The following OLA1 variants were observed in gnomAD, a reference collection of about 807,000 sequenced individuals.
OLA1 encodes Obg like ATPase 1.
A neutral mutation model predicts 48.4 loss-of-function variants in OLA1; 14 were observed. That is an observed-to-expected ratio of 0.29 (90% CI 0.19 to 0.45). The LOEUF is 0.45. OLA1 is among the 20% of genes least tolerant of loss of function. OLA1 has a pLI of 1.00. For missense variants in OLA1, 325 were observed against 467.1 expected (o/e 0.70, Z 2.80); for synonymous variants, 127 against 150.4 (o/e 0.84, Z 1.14).
chr2:174,097,585 T>C (rs1022245180), intron 7 of OLA1, among the ~76,000 whole-genome samples: 1 of 151,598 alleles, frequency 6.6e-6, no homozygotes, highest in Non-Finnish European at 1.5e-5. Flanking sequence ...GGTGGATCAC[T>C]TGGGGCCAGG....
At chr2:174,106,549 T>G (rs1685518328) in intron 7 of OLA1, among the ~76,000 whole-genome samples, 1 of 152,152 alleles carries the variant, frequency 6.6e-6, no homozygotes, top group South Asian at 2.1e-4. Context: ...AATTTAGTAT[T>G]AAAGTTTGAG....
intron 10 of OLA1, among the ~76,000 whole-genome samples, chr2:174,078,209 C>T (rs2105337385): frequency 6.6e-6 from 1 of 152,036 alleles, no homozygotes; most frequent in East Asian, 1.9e-4. Flanking sequence ...CAAGAATCTT[C>T]TTTAAATTCT....
chr2:174,243,077 C>T (rs901161932), intron 2 of OLA1, among the ~76,000 whole-genome samples: 2 of 152,044 alleles, frequency 1.3e-5, no homozygotes, highest in Admixed American at 1.3e-4. Flanking sequence ...GGCGCGATCT[C>T]AGCTCACTGA....
intron 1 of OLA1, 122 bp from the exon 2 acceptor site, chr2:174,246,937 C>T (rs1298227813): frequency 5.8e-6 from 3 of 518,766 alleles, no homozygotes; most frequent in South Asian, 4.1e-5. Context: ...CTGTATATAG[C>T]GATCCAAAAC....
At chr2:174,104,280 C>T (rs1010580159) in intron 7 of OLA1, among the ~76,000 whole-genome samples, 5 of 151,944 alleles carry the variant, frequency 3.3e-5, no homozygotes, top group African/African-American at 9.7e-5. Flanking sequence ...GGGGGAAAAG[C>T]ATTCCACACA....
rs979783835 is a variant in OLA1, at chr2:174,104,894, T to C, written c.728+18286A>G. Among the ~76,000 whole-genome samples, 5 of 151,958 alleles carry C rather than the reference T, an allele frequency of 3.3e-5. No individual in the cohort carries two copies. In the East Asian group the frequency reaches 7.7e-4, roughly 23 times the overall value. ...AGGTACAATTCAATGTAATGATTCA[T>C]AGTGTCTCTAATAGAAAGATTCAGC... On this transcript the variant is annotated intron_variant, in intron 7 of 10. Transcript: ENST00000284719.
chr2:174,115,717 G>A (rs1283842200), intron 7 of OLA1, among the ~76,000 whole-genome samples: 1 of 152,024 alleles, frequency 6.6e-6, no homozygotes, highest in East Asian at 1.9e-4. Flanking sequence ...CTTTGTACTT[G>A]CAGTTTCCTC....
intron 7 of OLA1, among the ~76,000 whole-genome samples, chr2:174,119,360 T>C (rs921506959): frequency 3.9e-5 from 6 of 152,084 alleles, no homozygotes; most frequent in Non-Finnish European, 8.8e-5. Context: ...AGAATGTCTG[T>C]GTTATATTTC....
At chr2:174,088,211 T>A (rs1274125586) in intron 7 of OLA1, among the ~76,000 whole-genome samples, 1 of 152,228 alleles carries the variant, frequency 6.6e-6, no homozygotes, top group African/African-American at 2.4e-5. Flanking sequence ...CCCCTCATGT[T>A]GTCCATGGTA....
chr2:174,116,254 T>C (rs1685779951), intron 7 of OLA1, among the ~76,000 whole-genome samples: 1 of 152,228 alleles, frequency 6.6e-6, no homozygotes, highest in Non-Finnish European at 1.5e-5. Context: ...TTAAAACTGG[T>C]CGTAAAAATG....
In OLA1 at chr2:174,141,864, C is replaced by G; in HGVS notation, c.510G>C (p.Val170=). 6.2e-7 allele frequency: 1 copy of G among 1,609,648 alleles called. No homozygotes were observed. The highest frequency in any genetic ancestry group is 1.3e-5 in the African/African-American group (1 of 74,798). The change falls in exon 5 of 11, where the codon GTG becomes GTC. Residue 170 remains valine, a synonymous_variant. Coordinates refer to ENST00000284719, the MANE Select transcript of OLA1 (RefSeq NM_013341.5). ...GTTTTTTATCTCCTCCTCTCACAGCCACCTTTTCTAGTTTATCTATAATGG... is the reference window on the plus strand; with the variant it reads ...GTTTTTTATCTCCTCCTCTCACAGCGACCTTTTCTAGTTTATCTATAATGG... ...IGPIIDKLEK[V]AVRGGDKKLK...
At chr2:174,238,574 T>C (rs1688917989) in intron 2 of OLA1, among the ~76,000 whole-genome samples, 1 of 149,308 alleles carries the variant, frequency 6.7e-6, no homozygotes, top group African/African-American at 2.5e-5. Flanking sequence ...TAACAACAAA[T>C]GTTGACAAGG....
chr2:174,138,816 A>C (rs1453338521), intron 5 of OLA1, among the ~76,000 whole-genome samples: 2 of 152,274 alleles, frequency 1.3e-5, no homozygotes, highest in Non-Finnish European at 2.9e-5. Flanking sequence ...TATAATAAGA[A>C]ATCTGCTAAC....
chr2:174,246,274 T>TG (rs1349302693), intron 2 of OLA1, among the ~76,000 whole-genome samples: 1 of 149,344 alleles, frequency 6.7e-6, no homozygotes, highest in Non-Finnish European at 1.5e-5. Context: ...CATTCCAGCC[T>TG]GGGCGACAGA....
chr2:174,139,771 A>G (rs1219266372), intron 5 of OLA1, among the ~76,000 whole-genome samples: 1 of 151,644 alleles, frequency 6.6e-6, no homozygotes, highest in Admixed American at 6.6e-5. Context: ...AGGCTGAGGC[A>G]GAAGAATCAC....
intron 7 of OLA1, among the ~76,000 whole-genome samples, chr2:174,087,411 C>A (rs929756985): frequency 2.6e-5 from 4 of 152,004 alleles, no homozygotes; most frequent in Admixed American, 2.0e-4. Flanking sequence ...GTATTAGGAA[C>A]AAGAAGGAAG....
chr2:174,137,108 C>T (rs568441566), intron 5 of OLA1, among the ~76,000 whole-genome samples: 1 of 152,292 alleles, frequency 6.6e-6, no homozygotes, highest in East Asian at 1.9e-4. Flanking sequence ...AAGATAGGAA[C>T]ATCAAAATTA....
At chr2:174,152,573 C>T (rs752230426) in intron 4 of OLA1, among the ~76,000 whole-genome samples, 5 of 152,088 alleles carry the variant, frequency 3.3e-5, no homozygotes, top group African/African-American at 4.8e-5. Context: ...TGTAGGTTTA[C>T]GTTTCTAGCC....
At chr2:174,221,869 G>A (rs753089240) in intron 4 of OLA1, among the ~76,000 whole-genome samples, 17 of 152,086 alleles carry the variant, frequency 1.1e-4, no homozygotes, top group Non-Finnish European at 2.1e-4. Flanking sequence ...GAAAACAGAC[G>A]TTCTGCCAAT....
Sources: gnomAD v4.1 joint callset for allele counts (sites outside exome capture counted in the v4.1 genomes callset) on GRCh38, gnomAD v4.1.1 for gene constraint, MANE v1.5 for transcripts, NCBI Gene and HGNC (gene_info 2026-07-23, HGNC 2026-07-21) for gene names.